The following NWD2 variants were observed in gnomAD, a reference collection of about 807,000 sequenced individuals.
NWD2 encodes the protein NACHT and WD repeat domain-containing protein 2.
A neutral mutation model predicts 132.7 loss-of-function variants in NWD2; 37 were observed. The observed-to-expected ratio is 0.28, with a 90% confidence interval of 0.21 to 0.37. The LOEUF is 0.37. NWD2 is among the 10% of genes least tolerant of loss of function. The probability of loss-of-function intolerance (pLI) is 1.00; values close to 1 mark genes in which losing one functional copy is unlikely to be tolerated. For synonymous variants in NWD2, 705 were observed against 803.0 expected (o/e 0.88, Z 2.06); for missense variants, 1,592 against 2,122.4 (o/e 0.75, Z 4.91).
chr4:37,352,901 G>A (rs982195032), intron 2 of NWD2, among the ~76,000 whole-genome samples: 18 of 152,154 alleles, frequency 1.2e-4, no homozygotes, highest in African/African-American at 4.3e-4. Flanking sequence ...TCATTATGAT[G>A]CTAGCTGGTT....
chr4:37,325,524 T>C (rs1041082515), intron 1 of NWD2, among the ~76,000 whole-genome samples: 16 of 152,196 alleles, frequency 1.1e-4, no homozygotes, highest in Non-Finnish European at 2.4e-4. Context: ...ATTAAATTTA[T>C]CAACGTGTGT....
intron 1 of NWD2, among the ~76,000 whole-genome samples, chr4:37,277,462 G>A (rs1170663546): frequency 6.6e-6 from 1 of 151,264 alleles, no homozygotes; most frequent in Non-Finnish European, 1.5e-5. Context: ...TTTAATCTTG[G>A]CTCTTCAGAT....
At chr4:37,301,980 C>G (rs1718620492) in intron 1 of NWD2, among the ~76,000 whole-genome samples, 1 of 151,962 alleles carries the variant, frequency 6.6e-6, no homozygotes, top group Admixed American at 6.6e-5. Context: ...TTGGGAAATC[C>G]TCTCCTAACT....
intron 1 of NWD2, among the ~76,000 whole-genome samples, chr4:37,288,650 G>T (rs549779777): frequency 6.6e-6 from 1 of 152,184 alleles, no homozygotes; most frequent in South Asian, 2.1e-4. Flanking sequence ...TTCTGGGAGA[G>T]AATTCAGGCT....
chr4:37,419,287 C>T lies in NWD2; in HGVS notation c.358-11285C>T, dbSNP rs140033802. Among the ~76,000 whole-genome samples, 1,250 of 152,176 alleles carry T rather than the reference C, an allele frequency of 8.2e-3. 11 individuals are homozygous for T. The highest frequency in any genetic ancestry group is 0.014 in the Non-Finnish European group (938 of 68,004). Reference sequence around the variant, plus strand: ...AAGACTTAAACGTAAGACCTAGGACCATAAAAGTCCTGGAATAAAACCTGG... The same window carrying T: ...AAGACTTAAACGTAAGACCTAGGACTATAAAAGTCCTGGAATAAAACCTGG... On this transcript the variant is annotated intron_variant, in intron 3 of 6. Coordinates refer to ENST00000309447, the MANE Select transcript of NWD2 (RefSeq NM_001144990.2).
At position 37,311,732 on chromosome 4, in the gene NWD2, G is replaced by C. The variant is rs535860325; in HGVS notation, c.152-14204G>C. Among the ~76,000 whole-genome samples, 414 of 148,760 alleles carry C rather than the reference G, an allele frequency of 2.8e-3. 20 individuals carry two copies. The highest frequency in any genetic ancestry group is 9.6e-3 in the African/African-American group (366 of 38,282). On this transcript the variant is annotated intron_variant, in intron 1 of 6. Transcript: ENST00000309447. Reference sequence around the variant, plus strand: ...CCTATGTCCGGAATGGTAATGCCTAGGTTTTCTTCTAGGGTTTTTATGGTT... The same window carrying C: ...CCTATGTCCGGAATGGTAATGCCTACGTTTTCTTCTAGGGTTTTTATGGTT...
In NWD2 at chr4:37,447,623, G is replaced by A. The variant is rs1712674222; in HGVS notation, c.*406G>A. The stretch of plus-strand genomic sequence containing the variant: ...GACAAAGAGCTGCTTGACTTCAAAT[G>A]ATTGTGTGATAAGTAAACACAGCCT... On this transcript the variant is annotated 3_prime_UTR_variant, in exon 7 of 7. Coordinates refer to ENST00000309447, the MANE Select transcript of NWD2 (RefSeq NM_001144990.2). 1 of 195,588 alleles carries A rather than the reference G, an allele frequency of 5.1e-6. No individual in the cohort carries two copies. The highest frequency in any genetic ancestry group is 1.1e-5 in the Non-Finnish European group (1 of 94,018). The allele number at this position is 195,588 out of a possible 1,614,324, so 12.1% of individuals were successfully genotyped here.
intron 3 of NWD2, among the ~76,000 whole-genome samples, chr4:37,402,876 A>T (rs1375758564): frequency 6.6e-6 from 1 of 152,246 alleles, no homozygotes; most frequent in Non-Finnish European, 1.5e-5. Flanking sequence ...AGCTTTTGTT[A>T]TATAAAATGT....
chr4:37,405,601 G>A (rs774215351), intron 3 of NWD2, among the ~76,000 whole-genome samples: 2 of 152,266 alleles, frequency 1.3e-5, no homozygotes, highest in South Asian at 2.1e-4. Context: ...TGACAACTGC[G>A]ACTTTCCATT....
chr4:37,394,864 G>A (rs1720755509), intron 3 of NWD2, among the ~76,000 whole-genome samples: 1 of 126,978 alleles, frequency 7.9e-6, no homozygotes, highest in Non-Finnish European at 1.6e-5. Context: ...AGGCTGGAGT[G>A]TGCAGTGGTG....
chr4:37,434,154 T>A, intron 5 of NWD2, 134 bp downstream of exon 5: 1 of 549,908 alleles, frequency 1.8e-6, no homozygotes, highest in Admixed American at 3.6e-5. Context: ...TGTTCCCATG[T>A]TCTGGAGAAG....
intron 1 of NWD2, among the ~76,000 whole-genome samples, chr4:37,251,814 A>T (rs1297674836): frequency 1.3e-5 from 2 of 152,214 alleles, no homozygotes; most frequent in Non-Finnish European, 2.9e-5. Flanking sequence ...AAGAGATAGT[A>T]TCTAGCCAGG....
At chr4:37,392,018 TG>T (rs1720688261) in intron 3 of NWD2, among the ~76,000 whole-genome samples, 1 of 152,092 alleles carries the variant, frequency 6.6e-6, no homozygotes, top group African/African-American at 2.4e-5. Context: ...CTGGCCAACA[TG>T]GTGAAACCCT....
At chr4:37,339,113 T>C (rs938106406) in intron 2 of NWD2, among the ~76,000 whole-genome samples, 1 of 152,222 alleles carries the variant, frequency 6.6e-6, no homozygotes. Flanking sequence ...ATTTCAGTCA[T>C]GTCCATCAAA....
At chr4:37,311,539 T>C (rs1278506005) in intron 1 of NWD2, among the ~76,000 whole-genome samples, 14 of 150,196 alleles carry the variant, frequency 9.3e-5, no homozygotes, top group East Asian at 2.0e-4. Flanking sequence ...TATTAGCCCT[T>C]TGTCAGATGA....
intron 3 of NWD2, among the ~76,000 whole-genome samples, chr4:37,408,238 A>G (rs1205622046): frequency 1.7e-5 from 2 of 120,566 alleles, no homozygotes; most frequent in African/African-American, 5.1e-5. Flanking sequence ...CTGGCTCGGC[A>G]GGTCCCACCC....
rs1007962903 is a variant in NWD2 at position 37,396,312 on chromosome 4, G to A, written c.358-34260G>A. ...ATTTCTTCTTACTGGTGGAGTCCTC[G>A]CCCTGGCATGTGGCCCTGTTGGATG... On this transcript the variant is annotated intron_variant, in intron 3 of 6. Coordinates refer to ENST00000309447, the MANE Select transcript of NWD2 (RefSeq NM_001144990.2). Among the ~76,000 whole-genome samples, 8 of 152,118 alleles carry A rather than the reference G, an allele frequency of 5.3e-5. No homozygotes were observed. The East Asian group carries it at 1.2e-3, about 22-fold the overall frequency.
chr4:37,368,054 A>G (rs1225311591), intron 3 of NWD2, among the ~76,000 whole-genome samples: 1 of 152,052 alleles, frequency 6.6e-6, no homozygotes, highest in Non-Finnish European at 1.5e-5. Context: ...GCATTTTCTC[A>G]TATACAGTTG....
intron 4 of NWD2, among the ~76,000 whole-genome samples, chr4:37,431,997 C>A (rs1712193427): frequency 1.5e-4 from 1 of 6,566 alleles, no homozygotes; most frequent in African/African-American, 1.7e-4. Context: ...TAATGAAGCT[C>A]CCTTTGCTTC....
Sources: allele counts gnomAD v4.1 joint callset (sites outside exome capture counted in the v4.1 genomes callset), GRCh38; gene constraint gnomAD v4.1.1; transcripts MANE v1.5; gene names NCBI Gene and HGNC (gene_info 2026-07-23, HGNC 2026-07-21).